BACH2: variants seen among roughly 807,000 people sequenced by gnomAD.
The protein encoded by BACH2 is BACH transcriptional regulator 2, also known as transcription regulator protein BACH2.
BACH2 carries 5 observed loss-of-function variants against 61.8 expected under a neutral mutation model. The ratio of observed to expected loss-of-function variants is 0.08; its 90% CI spans 0.04 to 0.17. The LOEUF is 0.17. Ranked by LOEUF, BACH2 falls within the 10% of genes least tolerant of loss-of-function variation. The pLI is 1.00. For synonymous variants in BACH2, 446 were observed against 440.1 expected, an observed-to-expected ratio of 1.01 and a Z score of -0.17; for missense variants, 824 against 1,091.1, an observed-to-expected ratio of 0.76 and a Z score of 3.45.
intron 3 of BACH2, chr6:90,218,202 C>T (rs1015168693): frequency 2.6e-5 from 4 of 152,146 alleles, no homozygotes; most frequent in Admixed American, 6.5e-5. Flanking sequence ...GGTAGTTTAC[C>T]GCTACTGGAA....
intron 4 of BACH2, among the ~76,000 whole-genome samples, chr6:90,165,130 C>G (rs375848087): frequency 1.3e-5 from 2 of 152,118 alleles, no homozygotes; most frequent in East Asian, 1.9e-4. Flanking sequence ...AATTGTCCCT[C>G]TTTGCAGATG....
chr6:90,124,973 T>C (rs922162492), intron 4 of BACH2, among the ~76,000 whole-genome samples: 1 of 151,876 alleles, frequency 6.6e-6, no homozygotes, highest in Non-Finnish European at 1.5e-5. Context: ...GACACTTCAT[T>C]GATTTTTTTC....
intron 6 of BACH2, among the ~76,000 whole-genome samples, chr6:89,999,716 G>A (rs1050985759): frequency 2.0e-5 from 3 of 152,070 alleles, no homozygotes; most frequent in Non-Finnish European, 2.9e-5. Context: ...CATAATGGGA[G>A]AAAGAAAGAA....
chr6:90,254,435 T>C (rs779759884), intron 2 of BACH2, among the ~76,000 whole-genome samples: 1 of 152,040 alleles, frequency 6.6e-6, no homozygotes, highest in East Asian at 1.9e-4. Flanking sequence ...GATAAAATAA[T>C]CTGCTATATA....
chr6:90,090,505 G>A (rs1005439319), intron 4 of BACH2, among the ~76,000 whole-genome samples: 2 of 151,978 alleles, frequency 1.3e-5, no homozygotes, highest in Non-Finnish European at 2.9e-5. Context: ...TGCTCCTCAC[G>A]CAACTTAACA....
chr6:90,266,138 C>T (rs1392970239), intron 2 of BACH2, among the ~76,000 whole-genome samples: 1 of 152,154 alleles, frequency 6.6e-6, no homozygotes, highest in African/African-American at 2.4e-5. Context: ...GGAGGAATAG[C>T]CATGAATGTT....
At chr6:89,968,278 G>A (rs937419869) in intron 6 of BACH2, among the ~76,000 whole-genome samples, 2 of 152,242 alleles carry the variant, frequency 1.3e-5, no homozygotes, top group African/African-American at 4.8e-5. Flanking sequence ...CAGACCATCA[G>A]TTTGGGCATT....
intron 5 of BACH2, among the ~76,000 whole-genome samples, chr6:90,040,402 G>C (rs1779475518): frequency 6.6e-6 from 1 of 151,936 alleles, no homozygotes; most frequent in African/African-American, 2.4e-5. Flanking sequence ...ATTATTTCTG[G>C]ACTCTATAAG....
At chr6:90,072,196 T>C (rs4053607) in intron 5 of BACH2, among the ~76,000 whole-genome samples, 38,687 of 152,214 alleles carry the variant, frequency 0.25, 6,064 homozygotes, top group East Asian at 0.67. Context: ...TTGTTTACTG[T>C]ATTAAGTGAG....
At chr6:90,058,461 G>T (rs901652685) in intron 5 of BACH2, among the ~76,000 whole-genome samples, 17 of 152,150 alleles carry the variant, frequency 1.1e-4, no homozygotes, top group Admixed American at 4.6e-4. Context: ...CCACTGCTCA[G>T]TGAAATAAAA....
intron 1 of BACH2, among the ~76,000 whole-genome samples, chr6:90,288,650 T>C (rs1394544197): frequency 1.3e-5 from 2 of 151,992 alleles, no homozygotes; most frequent in South Asian, 2.1e-4. Flanking sequence ...CAGCTGAGAG[T>C]TGCAACATGC....
At chr6:89,981,040 T>C (rs1775921694) in intron 6 of BACH2, among the ~76,000 whole-genome samples, 1 of 152,158 alleles carries the variant, frequency 6.6e-6, no homozygotes, top group African/African-American at 2.4e-5. Context: ...TATTGGTATT[T>C]TGGGAAGAAA....
At chr6:90,088,442 G>T (rs1477773975) in intron 5 of BACH2, among the ~76,000 whole-genome samples, 1 of 152,058 alleles carries the variant, frequency 6.6e-6, no homozygotes, top group Non-Finnish European at 1.5e-5. Flanking sequence ...CAACTGGGCT[G>T]GACTTCCAAA....
chr6:90,057,088 C>G (rs533101918), intron 5 of BACH2, among the ~76,000 whole-genome samples: 12 of 152,160 alleles, frequency 7.9e-5, no homozygotes, highest in African/African-American at 2.7e-4. Context: ...CAAACACATT[C>G]AAAAGCTAGC....
chr6:90,189,616 A>G (rs1768494425), intron 4 of BACH2, among the ~76,000 whole-genome samples: 1 of 106,142 alleles, frequency 9.4e-6, no homozygotes, highest in Admixed American at 1.0e-4. Context: ...CTCCGTCTCA[A>G]AAAAAAAAAA....
intron 5 of BACH2, among the ~76,000 whole-genome samples, chr6:90,034,879 T>C (rs772556394): frequency 5.9e-5 from 9 of 152,288 alleles, no homozygotes; most frequent in Admixed American, 3.3e-4. Context: ...TAGCCTCTTA[T>C]ATTATTTAAC....
intron 4 of BACH2, among the ~76,000 whole-genome samples, chr6:90,090,260 GT>G (rs574578479): frequency 1.3e-5 from 2 of 151,878 alleles, no homozygotes; most frequent in Non-Finnish European, 2.9e-5. Flanking sequence ...GTTGCAGATT[GT>G]TTTTTTCTTT....
At chr6:90,150,765 T>G (rs1784786338) in intron 4 of BACH2, among the ~76,000 whole-genome samples, 1 of 152,270 alleles carries the variant, frequency 6.6e-6, no homozygotes, top group African/African-American at 2.4e-5. Flanking sequence ...CATGCCTTAC[T>G]TAGCACCCCC....
At chr6:90,244,720 A>G (rs1268009600) in intron 3 of BACH2, among the ~76,000 whole-genome samples, 1 of 152,084 alleles carries the variant, frequency 6.6e-6, no homozygotes, top group Non-Finnish European at 1.5e-5. Context: ...ATCATATCTG[A>G]CACATCCCAT....
Sources: allele counts gnomAD v4.1 joint callset (sites outside exome capture counted in the v4.1 genomes callset), GRCh38; gene constraint gnomAD v4.1.1; transcripts MANE v1.5; gene names NCBI Gene and HGNC (gene_info 2026-07-23, HGNC 2026-07-21).